The following THSD7A variants were observed in gnomAD, a reference collection of about 807,000 sequenced individuals.
THSD7A encodes the protein thrombospondin type 1 domain containing 7A.
A neutral mutation model predicts 231.3 loss-of-function variants in THSD7A; 96 were observed. That is an observed-to-expected ratio of 0.41 (90% CI 0.35 to 0.49). The LOEUF (loss-of-function observed/expected upper bound fraction) is 0.49, where lower values mean the gene tolerates loss of function less well. Among genes scored for constraint, THSD7A ranks in the 20% least tolerant of loss-of-function variants. THSD7A has a pLI of 0.05. For synonymous variants in THSD7A, 940 were observed against 743.3 expected, an observed-to-expected ratio of 1.26 and a Z score of -4.30; for missense variants, 2,290 against 2,070.2, an observed-to-expected ratio of 1.11 and a Z score of -2.06.
chr7:11,726,803 T>C (rs1781562983), intron 1 of THSD7A, among the ~76,000 whole-genome samples: 1 of 151,884 alleles, frequency 6.6e-6, no homozygotes, highest in Admixed American at 6.6e-5. Flanking sequence ...CTGAAGAAAA[T>C]AGCACTGACT....
At chr7:11,769,134 TATATATATA>T (rs1783129716) in intron 1 of THSD7A, among the ~76,000 whole-genome samples, 5 of 45,972 alleles carry the variant, frequency 1.1e-4, no homozygotes, top group Non-Finnish European at 1.4e-4. Context: ...TATATATATA[TATATATATA>T]TATATATATA....
chr7:11,781,627 G>T (rs988814455), intron 1 of THSD7A, among the ~76,000 whole-genome samples: 1 of 152,106 alleles, frequency 6.6e-6, no homozygotes, highest in Non-Finnish European at 1.5e-5. Context: ...ACCTGGGTTG[G>T]TCCTAAATTA....
chr7:11,452,622 C>T (rs1258675466), intron 11 of THSD7A, among the ~76,000 whole-genome samples: 3 of 151,908 alleles, frequency 2.0e-5, no homozygotes, highest in African/African-American at 4.8e-5. Flanking sequence ...GCTAAGATCC[C>T]CAGTTGGGAT....
chr7:11,719,350 T>C (rs752358745), intron 1 of THSD7A, among the ~76,000 whole-genome samples: 4 of 151,706 alleles, frequency 2.6e-5, no homozygotes, highest in Non-Finnish European at 5.9e-5. Flanking sequence ...TCAGCCTTCA[T>C]TGTTCTGATA....
chr7:11,644,670 G>A (rs1394379486), intron 1 of THSD7A, among the ~76,000 whole-genome samples: 1 of 151,940 alleles, frequency 6.6e-6, no homozygotes. Context: ...AATCTGATGA[G>A]AAAATGAATG....
At chr7:11,620,334 A>T (rs1016934958) in intron 2 of THSD7A, among the ~76,000 whole-genome samples, 35 of 152,214 alleles carry the variant, frequency 2.3e-4, no homozygotes, top group African/African-American at 8.2e-4. Context: ...CACCTGTGGC[A>T]TTGCAGTTAC....
chr7:11,398,154 A>G (rs1358469719), intron 23 of THSD7A, among the ~76,000 whole-genome samples: 1 of 152,242 alleles, frequency 6.6e-6, no homozygotes, highest in African/African-American at 2.4e-5. Flanking sequence ...CATCAATGAT[A>G]GACTGGATGA....
Position 11,593,413 on chromosome 7 carries a change from G to T in THSD7A, c.1112C>A (p.Pro371His), listed in dbSNP as rs755226295. The change falls in exon 3 of 28, where the codon CCC becomes CAC. Residue 371 changes from proline (P) to histidine (H), a missense_variant. Pro to His is a moderately conservative substitution (Grantham distance 77). Transcript: ENST00000423059. Reference protein sequence around the residue: ...CQVSEWSEWSPCSKTCHDMVS... With the variant: ...CQVSEWSEWSHCSKTCHDMVS... ...CATGTCATGGCATGTTTTTGAGCAGGGGCTCCACTCTGACCACTCGGAAAC... is the reference window on the plus strand; with the variant it reads ...CATGTCATGGCATGTTTTTGAGCAGTGGCTCCACTCTGACCACTCGGAAAC... The T allele has an allele frequency of 6.2e-7, 1 of 1,613,966 alleles. No homozygotes were observed. Among genetic ancestry groups the T allele is most frequent in the Non-Finnish European group, 8.5e-7 (1 of 1,179,886 alleles).
At chr7:11,443,110 T>G (rs955371790) in intron 13 of THSD7A, among the ~76,000 whole-genome samples, 1 of 152,124 alleles carries the variant, frequency 6.6e-6, no homozygotes, top group South Asian at 2.1e-4. Flanking sequence ...TGAAGTGGCT[T>G]GCTGATGCTC....
At chr7:11,614,125 T>C (rs1450159128) in intron 2 of THSD7A, among the ~76,000 whole-genome samples, 1 of 152,170 alleles carries the variant, frequency 6.6e-6, no homozygotes, top group African/African-American at 2.4e-5. Context: ...AAATATATGG[T>C]ATTATTCTTC....
At chr7:11,668,410 C>T (rs967515086) in intron 1 of THSD7A, among the ~76,000 whole-genome samples, 1 of 146,962 alleles carries the variant, frequency 6.8e-6, no homozygotes, top group African/African-American at 2.5e-5. Flanking sequence ...AAGAGTGAAA[C>T]TCCATCTCAA....
intron 4 of THSD7A, among the ~76,000 whole-genome samples, chr7:11,578,752 T>C (rs144498110): frequency 2.7e-4 from 41 of 152,310 alleles, no homozygotes; most frequent in Non-Finnish European, 1.5e-5. Context: ...TTGAAGGCAT[T>C]ACAAGGCAGA....
At chr7:11,591,400 A>G (rs930538863) in intron 3 of THSD7A, among the ~76,000 whole-genome samples, 1 of 152,150 alleles carries the variant, frequency 6.6e-6, no homozygotes, top group African/African-American at 2.4e-5. Flanking sequence ...GCATTTCTCC[A>G]CCTCAAGGAA....
At chr7:11,813,652 G>T (rs1415884159) in intron 1 of THSD7A, among the ~76,000 whole-genome samples, 1 of 151,798 alleles carries the variant, frequency 6.6e-6, no homozygotes, top group Non-Finnish European at 1.5e-5. Context: ...GGCAGAGGTT[G>T]CAGTGAGCCG....
chr7:11,567,765 G>C (rs894438576), intron 4 of THSD7A, among the ~76,000 whole-genome samples: 6 of 151,974 alleles, frequency 3.9e-5, no homozygotes, highest in Admixed American at 3.9e-4. Flanking sequence ...CCTCAACTTG[G>C]GATTCACCAC....
intron 23 of THSD7A, among the ~76,000 whole-genome samples, chr7:11,393,554 C>T (rs181925426): frequency 4.0e-4 from 61 of 152,260 alleles, no homozygotes; most frequent in Non-Finnish European, 7.2e-4. Flanking sequence ...TGAGTAATAA[C>T]AAACTCCTCT....
At chr7:11,800,938 G>A (rs1175213463) in intron 1 of THSD7A, among the ~76,000 whole-genome samples, 1 of 152,064 alleles carries the variant, frequency 6.6e-6, no homozygotes, top group Non-Finnish European at 1.5e-5. Flanking sequence ...TTCTGGAGGT[G>A]CTGAATATAT....
intron 2 of THSD7A, among the ~76,000 whole-genome samples, chr7:11,617,981 T>C (rs1382864260): frequency 1.3e-5 from 2 of 152,118 alleles, no homozygotes; most frequent in African/African-American, 4.8e-5. Flanking sequence ...GAACTTAAAG[T>C]ATAACAATAA....
chr7:11,543,163 A>G (rs1207634914), intron 4 of THSD7A, 46 bp from the exon 5 acceptor site: 3 of 1,533,896 alleles, frequency 2.0e-6, no homozygotes, highest in Non-Finnish European at 2.7e-6. Context: ...CAAAAGGAAC[A>G]TATATGGCCA....
Sources: allele counts gnomAD v4.1 joint callset (sites outside exome capture counted in the v4.1 genomes callset), GRCh38; gene constraint gnomAD v4.1.1; transcripts MANE v1.5; gene names NCBI Gene and HGNC (gene_info 2026-07-23, HGNC 2026-07-21).